EVI5: variants seen among roughly 807,000 people sequenced by gnomAD.
The protein encoded by EVI5 is ecotropic viral integration site 5.
Under a neutral mutation model 112.0 loss-of-function variants are expected in EVI5, and 73 were observed. That is an observed-to-expected ratio of 0.65 (90% CI 0.54 to 0.79). The LOEUF is 0.79. EVI5 is among the 30% of genes least tolerant of loss of function. The pLI is 0.00. For missense variants in EVI5, 900 were observed against 968.8 expected, an observed-to-expected ratio of 0.93 and a Z score of 0.94; for synonymous variants, 305 against 319.9, an observed-to-expected ratio of 0.95 and a Z score of 0.50.
chr1:92,733,356 A>G (rs1485706505), intron 2 of EVI5: 3 of 152,298 alleles, frequency 2.0e-5, no homozygotes, highest in Admixed American at 2.0e-4. Flanking sequence ...TTAATTCTTA[A>G]AAGTTGCTTT....
Position 92,510,644 on chromosome 1 carries a change from A to G in EVI5, c.*3012T>C, listed in dbSNP as rs199515418. The stretch of plus-strand genomic sequence containing the variant: ...AAATATTTTAGGCTACCTGGGCCAT[A>G]TGGTCTCCCTTGCAATGACTCAACT... On this transcript the variant is annotated 3_prime_UTR_variant, in exon 20 of 20. Transcript: ENST00000684568. 6 of 152,220 alleles carry G rather than the reference A, an allele frequency of 3.9e-5. No individual in the cohort carries two copies. Among genetic ancestry groups the G allele is most frequent in the African/African-American group, 1.4e-4 (6 of 41,468 alleles). The allele number at this position is 152,220 out of a possible 1,614,324, so 9.4% of individuals were successfully genotyped here. A position where few individuals can be genotyped will look rare whatever the true frequency, so the allele number is the denominator to read the frequency against.
intron 18 of EVI5, among the ~76,000 whole-genome samples, chr1:92,584,044 G>C (rs1372927485): frequency 7.9e-5 from 12 of 152,114 alleles, no homozygotes; most frequent in Non-Finnish European, 5.9e-5. Context: ...TGTGGTATTA[G>C]AAGGGTCATG....
intron 2 of EVI5, among the ~76,000 whole-genome samples, chr1:92,713,324 CT>C (rs1163186575): frequency 6.6e-6 from 1 of 150,448 alleles, no homozygotes; most frequent in Non-Finnish European, 1.5e-5. Flanking sequence ...CTAGTATTGC[CT>C]TTTCTTTTTT....
At chr1:92,766,138 T>TAA (rs1350800032) in intron 1 of EVI5, among the ~76,000 whole-genome samples, 10 of 146,336 alleles carry the variant, frequency 6.8e-5, no homozygotes, top group African/African-American at 1.5e-4. Context: ...ATAATAATAA[T>TAA]TAATAAAATA....
At position 92,548,888 on chromosome 1, in the gene EVI5, G is replaced by A. The variant is rs1010312506; in HGVS notation, c.2166+14754C>T. On this transcript the variant is annotated intron_variant, in intron 19 of 19. Coordinates refer to ENST00000684568, the MANE Select transcript of EVI5 (RefSeq NM_001350197.2). ...AAGAACATTCCATGCTCATGGATAG[G>A]AAGAATCAACATCATGGAAATGGCC... Among the ~76,000 whole-genome samples the A allele has an allele frequency of 2.6e-5, 4 of 152,172 alleles. No homozygotes were observed. In the South Asian group the frequency reaches 6.2e-4, roughly 24 times the overall value.
At chr1:92,728,537 G>A (rs527557017) in intron 2 of EVI5, among the ~76,000 whole-genome samples, 2 of 152,126 alleles carry the variant, frequency 1.3e-5, no homozygotes, top group Non-Finnish European at 2.9e-5. Flanking sequence ...ACAGGCACCC[G>A]CCACCATGCC....
Position 92,766,030 on chromosome 1 carries a change from C to T in EVI5, c.-82+18806G>A, listed in dbSNP as rs114138287. ...TTGGGATTACTTGAGCCCAAGAGTTCAAGTTTACAGTGAGCTATGATCATG... is the reference window on the plus strand; with the variant it reads ...TTGGGATTACTTGAGCCCAAGAGTTTAAGTTTACAGTGAGCTATGATCATG... On this transcript the variant is annotated intron_variant, in intron 1 of 19. Coordinates refer to ENST00000684568, the MANE Select transcript of EVI5 (RefSeq NM_001350197.2). Among the ~76,000 whole-genome samples, 261 of 151,096 alleles carry T rather than the reference C, an allele frequency of 1.7e-3. 1 individual carries two copies. Among genetic ancestry groups the T allele is most frequent in the Middle Eastern group, 0.01 (3 of 288 alleles).
chr1:92,555,197 C>T (rs1233733559), intron 19 of EVI5, among the ~76,000 whole-genome samples: 1 of 152,130 alleles, frequency 6.6e-6, no homozygotes, highest in Non-Finnish European at 1.5e-5. Flanking sequence ...TGGTACTTTA[C>T]ACTGCTCTAA....
intron 18 of EVI5, among the ~76,000 whole-genome samples, chr1:92,589,026 G>C (rs1673258776): frequency 1.3e-5 from 2 of 152,164 alleles, no homozygotes; most frequent in African/African-American, 4.8e-5. Context: ...GTATAAGAAA[G>C]ATCTCTAACA....
chr1:92,697,928 G>T lies in EVI5; in HGVS notation c.697C>A (p.Arg233Ser). 6.2e-7 allele frequency: 1 copy of T among 1,612,044 alleles called. No individual in the cohort carries two copies. The highest frequency in any genetic ancestry group is 8.5e-7 in the Non-Finnish European group (1 of 1,178,528). Residue 233 changes from arginine (R) to serine (S), a missense_variant, in exon 6 of 20, where the codon CGT becomes AGT. By Grantham distance (110) the Arg-to-Ser change is moderately radical (BLOSUM62 -1). Transcript: ENST00000684568. ...GCCATACTTGGTTTAAAAAGTTCAC[G>T]AAGTCTATAATCTTGCATTAATTTA... ...FVKLMQDYRL[R>S]ELFKPSMAEL...
Position 92,784,834 on chromosome 1 carries a change from A to T in EVI5, c.-82+2T>A. 1.0e-6 allele frequency: 1 copy of T among 984,718 alleles called. No homozygotes were observed. Among genetic ancestry groups the T allele is most frequent in the Non-Finnish European group, 1.2e-6 (1 of 830,026 alleles). 61.0% of individuals were successfully genotyped at this position (984,718 alleles called of 1,614,324 possible). ...CGCCCGGCCTGGCGCAGCGCCCCTC[A>T]CCTTGGAAACGTTGAGTAGACTTCG... On this transcript the variant is annotated splice_donor_variant, in intron 1 of 19. Transcript: ENST00000684568. LOFTEE classifies it low-confidence loss of function (5UTR_SPLICE).
At chr1:92,626,096 G>A (rs756845492) in intron 14 of EVI5, among the ~76,000 whole-genome samples, 162 bp from the exon 15 acceptor site, 7 of 152,028 alleles carry the variant, frequency 4.6e-5, no homozygotes, top group Non-Finnish European at 1.0e-4. Context: ...AAATACACAA[G>A]AGCCAGTGGT....
chr1:92,556,140 T>A (rs1667651334), intron 19 of EVI5, among the ~76,000 whole-genome samples: 1 of 151,566 alleles, frequency 6.6e-6, no homozygotes, highest in African/African-American at 2.4e-5. Flanking sequence ...CTTGGCTCAC[T>A]GCAACCTCCG....
chr1:92,668,235 T>C (rs1665264133), intron 10 of EVI5, among the ~76,000 whole-genome samples: 1 of 152,184 alleles, frequency 6.6e-6, no homozygotes. Flanking sequence ...ATTCAGATGA[T>C]CTGAAATAGA....
At chr1:92,627,067 G>A (rs1655833666) in intron 14 of EVI5, among the ~76,000 whole-genome samples, 3 of 152,124 alleles carry the variant, frequency 2.0e-5, no homozygotes, top group Non-Finnish European at 4.4e-5. Context: ...GGTTACATGA[G>A]TAAGTTCTTT....
chr1:92,539,663 C>A (rs1415697317), intron 19 of EVI5, among the ~76,000 whole-genome samples: 1 of 151,826 alleles, frequency 6.6e-6, no homozygotes, highest in Non-Finnish European at 1.5e-5. Flanking sequence ...GGTTAGGAAA[C>A]TGTCCAGAAG....
intron 1 of EVI5, among the ~76,000 whole-genome samples, chr1:92,757,611 A>C (rs558049307): frequency 6.6e-6 from 1 of 151,968 alleles, no homozygotes; most frequent in South Asian, 2.1e-4. Context: ...AAAAAGAAAA[A>C]AAAAATCAGG....
intron 1 of EVI5, among the ~76,000 whole-genome samples, chr1:92,790,267 C>T (rs965728706): frequency 3.7e-4 from 57 of 152,120 alleles, no homozygotes; most frequent in African/African-American, 1.3e-3. Context: ...TAAGATCACA[C>T]CCCTGCACTC....
In EVI5 at chr1:92,736,484, T is replaced by C. The variant is rs751220193; in HGVS notation, c.63A>G (p.Leu21=). The C allele has an allele frequency of 1.1e-5, 17 of 1,613,838 alleles. No homozygotes were observed. In the Admixed American group the frequency reaches 1.3e-4, roughly 13 times the overall value. The part of the protein sequence containing the change: ...SLHTTSSSTT[L]STPALSPSSP... ...AAGATGGTGAAAGGGCTGGTGTTGA[T>C]AGTGTGGTAGATGAGGATGTGGTAT... is the stretch of plus-strand genomic sequence containing the variant. Residue 21 remains leucine, a synonymous_variant, in exon 2 of 20, where the codon CTA becomes CTG. Transcript: ENST00000684568.
Sources: allele counts gnomAD v4.1 joint callset (sites outside exome capture counted in the v4.1 genomes callset), GRCh38; gene constraint gnomAD v4.1.1; transcripts MANE v1.5; gene names NCBI Gene and HGNC (gene_info 2026-07-23, HGNC 2026-07-21).